Variants in ERBB4 observed in about 807,000 individuals in gnomAD.
ERBB4 encodes the protein erb-b2 receptor tyrosine kinase 4.
Under a neutral mutation model 158.0 loss-of-function variants are expected in ERBB4, and 42 were observed. The ratio of observed to expected loss-of-function variants is 0.27; its 90% CI spans 0.21 to 0.34. ERBB4 has a LOEUF of 0.34. Ranked by LOEUF, ERBB4 falls within the 10% of genes least tolerant of loss-of-function variation. The pLI, the probability that ERBB4 is intolerant of heterozygous loss-of-function variation, is 1.00. For missense variants in ERBB4, 1,333 were observed against 1,624.1 expected (o/e 0.82, Z 3.08); for synonymous variants, 583 against 558.7 (o/e 1.04, Z -0.61).
At chr2:211,629,099 A>C (rs1462360372) in intron 17 of ERBB4, among the ~76,000 whole-genome samples, 1 of 151,880 alleles carries the variant, frequency 6.6e-6, no homozygotes, top group Non-Finnish European at 1.5e-5. Context: ...AGATTGTAAA[A>C]ATTTTGTCCC....
chr2:211,826,719 T>C lies in ERBB4; in HGVS notation c.422-38560A>G, dbSNP rs372900644. Among the ~76,000 whole-genome samples the C allele has an allele frequency of 2.7e-4, 41 of 152,092 alleles. No individual in the cohort carries two copies. The East Asian group carries it at 6.0e-3, about 22-fold the overall frequency. On this transcript the variant is annotated intron_variant, in intron 3 of 27. Transcript: ENST00000342788. Reference sequence around the variant, plus strand: ...ATTTAGCAAACAGGTACTACCCTGATAGCCACAAAAGGATACACCAATATA... The same window carrying C: ...ATTTAGCAAACAGGTACTACCCTGACAGCCACAAAAGGATACACCAATATA...
intron 1 of ERBB4, among the ~76,000 whole-genome samples, chr2:212,182,212 T>C (rs2081890605): frequency 6.6e-6 from 1 of 151,784 alleles, no homozygotes; most frequent in African/African-American, 2.4e-5. Flanking sequence ...AATACTATTA[T>C]TATTTCCATT....
chr2:212,352,485 G>A (rs1200805438), intron 1 of ERBB4, among the ~76,000 whole-genome samples: 2 of 152,076 alleles, frequency 1.3e-5, no homozygotes, highest in East Asian at 3.8e-4. Flanking sequence ...GAAATTTCAA[G>A]TTTAAAAAAT....
chr2:211,964,345 TATCACATTTAACCTCCA>T (rs1171366815), intron 2 of ERBB4, among the ~76,000 whole-genome samples: 7 of 152,202 alleles, frequency 4.6e-5, no homozygotes. Flanking sequence ...TTCATATAAA[TATCACATTTAACCTCCA>T]ATCACCATTT....
At chr2:212,166,790 C>G (rs2081358827) in intron 1 of ERBB4, among the ~76,000 whole-genome samples, 1 of 152,004 alleles carries the variant, frequency 6.6e-6, no homozygotes, top group South Asian at 2.1e-4. Flanking sequence ...TAACACCACA[C>G]ATCTACAACC....
chr2:212,091,584 G>T (rs1227135664), intron 2 of ERBB4, among the ~76,000 whole-genome samples: 2 of 152,028 alleles, frequency 1.3e-5, no homozygotes, highest in South Asian at 2.1e-4. Flanking sequence ...CTCAGGTTGA[G>T]AACTATTAGA....
chr2:211,679,558 T>C (rs2072250623), intron 12 of ERBB4, among the ~76,000 whole-genome samples: 1 of 152,058 alleles, frequency 6.6e-6, no homozygotes, highest in Non-Finnish European at 1.5e-5. Context: ...GTTTGAGAGC[T>C]TCATGAAGAA....
intron 2 of ERBB4, among the ~76,000 whole-genome samples, chr2:211,992,091 G>A (rs1389973789): frequency 6.6e-6 from 1 of 152,012 alleles, no homozygotes; most frequent in Non-Finnish European, 1.5e-5. Context: ...TTCCAAAATC[G>A]CTTCCACATT....
chr2:212,180,316 C>T (rs865795818), intron 1 of ERBB4, among the ~76,000 whole-genome samples: 2 of 151,526 alleles, frequency 1.3e-5, no homozygotes, highest in South Asian at 2.1e-4. Flanking sequence ...TTTTCTTGGA[C>T]AGATAGCTGG....
rs188629881 is a variant in ERBB4 at position 211,798,605 on chromosome 2, T to C, written c.422-10446A>G. 3.9e-3 allele frequency among the ~76,000 whole-genome samples: 598 copies of C among 152,262 alleles called. 4 individuals carry two copies. The highest frequency in any genetic ancestry group is 0.014 in the African/African-American group (575 of 41,566). On this transcript the variant is annotated intron_variant, in intron 3 of 27. Coordinates refer to ENST00000342788, the MANE Select transcript of ERBB4 (RefSeq NM_005235.3). ...TACTAGCTATTTCAAAATAAGTTAA[T>C]AATATAGTTCAGGAGCTTTGTCTAA...
At chr2:212,107,516 T>C (rs910932039) in intron 2 of ERBB4, among the ~76,000 whole-genome samples, 2 of 152,234 alleles carry the variant, frequency 1.3e-5, no homozygotes, top group Non-Finnish European at 2.9e-5. Flanking sequence ...GGACTTGCCT[T>C]GTCTCAGATG....
intron 3 of ERBB4, among the ~76,000 whole-genome samples, chr2:211,827,192 T>C (rs756654979): frequency 9.2e-5 from 14 of 151,966 alleles, no homozygotes; most frequent in Non-Finnish European, 1.9e-4. Context: ...TTTCTACCCA[T>C]GTTGAGTGTA....
chr2:211,831,905 A>G (rs1199221669), intron 3 of ERBB4, among the ~76,000 whole-genome samples: 2 of 150,830 alleles, frequency 1.3e-5, no homozygotes, highest in Admixed American at 6.6e-5. Flanking sequence ...CTCTGTCTCA[A>G]AAAAAAAAAT....
chr2:211,812,660 A>C (rs1015109183), intron 3 of ERBB4, among the ~76,000 whole-genome samples: 3 of 152,204 alleles, frequency 2.0e-5, no homozygotes, highest in African/African-American at 7.2e-5. Flanking sequence ...GGAGTCATAC[A>C]GGCAGCAGGC....
chr2:211,839,426 CTG>C (rs764668909), intron 3 of ERBB4, among the ~76,000 whole-genome samples: 2 of 152,014 alleles, frequency 1.3e-5, no homozygotes, highest in South Asian at 2.1e-4. Context: ...ATAGAGAAAA[CTG>C]TATTATAAGC....
At chr2:212,525,689 T>C (rs1438886930) in intron 1 of ERBB4, among the ~76,000 whole-genome samples, 1 of 151,972 alleles carries the variant, frequency 6.6e-6, no homozygotes, top group Non-Finnish European at 1.5e-5. Flanking sequence ...CATTAAGAAA[T>C]TTCACTAAAG....
intron 2 of ERBB4, among the ~76,000 whole-genome samples, chr2:212,083,982 T>C (rs1374322105): frequency 2.6e-5 from 4 of 151,140 alleles, no homozygotes; most frequent in East Asian, 2.0e-4. Flanking sequence ...AACACACTTA[T>C]AGGTCTTTCC....
intron 1 of ERBB4, among the ~76,000 whole-genome samples, chr2:212,284,428 A>T (rs1327599528): frequency 6.6e-6 from 1 of 152,074 alleles, no homozygotes; most frequent in African/African-American, 2.4e-5. Flanking sequence ...GTCTTTTACC[A>T]GCCTAATTTT....
intron 3 of ERBB4, among the ~76,000 whole-genome samples, chr2:211,822,363 T>C (rs1235937472): frequency 6.6e-6 from 1 of 152,036 alleles, no homozygotes; most frequent in Non-Finnish European, 1.5e-5. Flanking sequence ...CTGATCACTA[T>C]ATATTATGTG....
Sources: allele counts gnomAD v4.1 joint callset (sites outside exome capture counted in the v4.1 genomes callset), GRCh38; gene constraint gnomAD v4.1.1; transcripts MANE v1.5; gene names NCBI Gene and HGNC (gene_info 2026-07-23, HGNC 2026-07-21).